The following DIXDC1 variants were observed in gnomAD, a reference collection of about 807,000 sequenced individuals.
DIXDC1 encodes DIX domain containing 1.
In DIXDC1, 64 loss-of-function variants were observed where a neutral mutation model predicts 103.1. The ratio of observed to expected loss-of-function variants is 0.62; its 90% confidence interval spans 0.51 to 0.76. DIXDC1 has a LOEUF of 0.76. DIXDC1 is among the 30% of genes least tolerant of loss of function. The pLI is 0.00. For missense variants in DIXDC1, 759 were observed against 834.2 expected (o/e 0.91, Z 1.11); for synonymous variants, 266 against 298.5 (o/e 0.89, Z 1.12).
rs1555172316 is a variant in DIXDC1 at position 111,973,991 on chromosome 11, C to T, written c.317-32C>T. 4 of 1,607,188 alleles carry T rather than the reference C, an allele frequency of 2.5e-6. No individual in the cohort carries two copies. In the South Asian group the frequency reaches 4.4e-5, roughly 18 times the overall value. The stretch of plus-strand genomic sequence containing the variant: ...TGCCTCCCTCTTAGGACCTCTTGGT[C>T]TGTTTTATTCTTGGTCCGTTTTATC... On this transcript the variant is annotated intron_variant, in intron 3 of 19. Coordinates refer to ENST00000440460, the MANE Select transcript of DIXDC1 (RefSeq NM_001037954.4).
upstream of DIXDC1, among the ~76,000 whole-genome samples, chr11:111,934,304 T>C (rs1347876503): frequency 6.6e-6 from 1 of 152,252 alleles, no homozygotes; most frequent in African/African-American, 2.4e-5. Flanking sequence ...ATATAGATAT[T>C]TGGGTAGCTT....
Position 111,931,041 on chromosome 11 carries a change from A to G in DIXDC1, c.57+1131A>G, listed in dbSNP as rs1965998383. ...GCTAATTCCTGTATTTTTAGTAGAG[A>G]TGGGGTTTTACCATGTTGATCAGGC... On this transcript the variant is annotated intron_variant, in intron 2 of 5. Coordinates refer to the DIXDC1 transcript ENST00000529225. Among the ~76,000 whole-genome samples, 3 of 151,502 alleles carry G rather than the reference A, an allele frequency of 2.0e-5. 1 individual carries two copies. The South Asian group carries it at 6.3e-4, about 32-fold the overall frequency.
At chr11:111,956,984 T>C (rs1407229964) in intron 1 of DIXDC1, among the ~76,000 whole-genome samples, 1 of 151,630 alleles carries the variant, frequency 6.6e-6, no homozygotes, top group African/African-American at 2.4e-5. Flanking sequence ...CTGAGCAACA[T>C]AGTGAGACTC....
chr11:112,012,849 T>A (rs1165739018), intron 17 of DIXDC1, among the ~76,000 whole-genome samples: 2 of 152,198 alleles, frequency 1.3e-5, no homozygotes, highest in African/African-American at 4.8e-5. Flanking sequence ...GTCATCTGAA[T>A]CGACTTTTCA....
In DIXDC1 at chr11:111,977,497, C is replaced by T. The variant is rs1592587375; in HGVS notation, c.656+2514C>T. The T allele has an allele frequency of 1.6e-5, 22 of 1,336,164 alleles. No individual in the cohort carries two copies. The East Asian group carries it at 5.5e-4, about 33-fold the overall frequency. 82.8% of individuals were successfully genotyped at this position (1,336,164 alleles called of 1,614,324 possible). ...GCAGCCTGCGAGGGGAGGCAGCTTC[C>T]GCCGGGGCCGGGCTGCTGCACAGTC... is the stretch of plus-strand genomic sequence containing the variant. On this transcript the variant is annotated intron_variant, in intron 5 of 19. Transcript: ENST00000440460. The surrounding 1 kb of genome is among the most constrained non-coding windows in gnomAD (Gnocchi z 6.1).
At chr11:111,982,243 A>C (rs989815411) in intron 6 of DIXDC1, 96 bp from the exon 7 acceptor site, 18 of 1,351,634 alleles carry the variant, frequency 1.3e-5, no homozygotes, top group Non-Finnish European at 1.4e-5. Flanking sequence ...TTCAGAACGC[A>C]GGTGACCTGA....
At chr11:112,009,134 G>A (rs1392852363) in intron 17 of DIXDC1, among the ~76,000 whole-genome samples, 3 of 152,062 alleles carry the variant, frequency 2.0e-5, no homozygotes, top group South Asian at 2.1e-4. Flanking sequence ...TATTACCACC[G>A]ATCCCACAGA....
At position 111,974,318 on chromosome 11, in the gene DIXDC1, T is replaced by C. The variant is rs587624382; in HGVS notation, c.548+64T>C. 106 of 1,466,738 alleles carry C rather than the reference T, an allele frequency of 7.2e-5. No homozygotes were observed. The African/African-American group carries it at 1.3e-3, about 19-fold the overall frequency. The allele number at this position is 1,466,738 out of a possible 1,614,324, so 90.9% of individuals were successfully genotyped here. Reference sequence around the variant, plus strand: ...CTCTGATACTTCTTCTGTTAGATGATACAGTGCAGTAGATAGAAACGTCAC... The same window carrying C: ...CTCTGATACTTCTTCTGTTAGATGACACAGTGCAGTAGATAGAAACGTCAC... On this transcript the variant is annotated intron_variant, in intron 4 of 19. Coordinates refer to ENST00000440460, the MANE Select transcript of DIXDC1 (RefSeq NM_001037954.4).
rs60795977 is a variant in DIXDC1, at chr11:111,956,023, C to CACACAG, written c.61-8526_61-8525insACACAG. ...ACACACACACACACACACACACACA[C>CACACAG]GGTGGACTATTATTCAGCCTTGAAA... On this transcript the variant is annotated intron_variant, in intron 1 of 19. Transcript: ENST00000440460. Among the ~76,000 whole-genome samples the CACACAG allele has an allele frequency of 2.0e-5, 3 of 150,318 alleles. No homozygotes were observed. In the East Asian group the frequency reaches 5.8e-4, roughly 29 times the overall value.
chr11:111,972,041 A>C (rs1471796150), intron 3 of DIXDC1, among the ~76,000 whole-genome samples: 3 of 152,178 alleles, frequency 2.0e-5, no homozygotes, highest in African/African-American at 7.2e-5. Flanking sequence ...CCGGATGATG[A>C]GTTCAATCGT....
chr11:111,977,311 CCGGAAGGTGGCA>C lies in DIXDC1; in HGVS notation c.656+2333_656+2344del. 1 of 1,044,448 alleles carries C rather than the reference CCGGAAGGTGGCA, an allele frequency of 9.6e-7. No homozygotes were observed. Among genetic ancestry groups the C allele is most frequent in the Non-Finnish European group, 1.2e-6 (1 of 867,450 alleles). The allele number at this position is 1,044,448 out of a possible 1,614,324, so 64.7% of individuals were successfully genotyped here. ...AGCAGAGGGTGGGGCGGGGAGGGAT[CCGGAAGGTGGCA>C]CGGAGTGGGATCGCCGCTGGGGACT... On this transcript the variant is annotated intron_variant, in intron 5 of 19. Coordinates refer to ENST00000440460, the MANE Select transcript of DIXDC1 (RefSeq NM_001037954.4). The surrounding 1 kb of genome is among the most constrained non-coding windows in gnomAD (Gnocchi z 6.1).
intron 6 of DIXDC1, among the ~76,000 whole-genome samples, chr11:111,981,903 T>C (rs1555173264): frequency 6.6e-6 from 1 of 152,236 alleles, no homozygotes; most frequent in Non-Finnish European, 1.5e-5. Flanking sequence ...GGTCCACTTA[T>C]GAGTGAGTGC....
chr11:111,966,987 A>G (rs1555171621), intron 2 of DIXDC1, among the ~76,000 whole-genome samples: 2 of 152,184 alleles, frequency 1.3e-5, no homozygotes, highest in African/African-American at 4.8e-5. Context: ...CCTTCTCTTC[A>G]AACACTTTCT....
chr11:111,957,040 G>A (rs922068975), intron 1 of DIXDC1, among the ~76,000 whole-genome samples: 5 of 151,990 alleles, frequency 3.3e-5, no homozygotes, highest in Non-Finnish European at 7.4e-5. Flanking sequence ...GAGCATGGTG[G>A]TGCATGCCTG....
intron 1 of DIXDC1, among the ~76,000 whole-genome samples, chr11:111,951,410 T>A (rs1035477838): frequency 6.6e-6 from 1 of 152,190 alleles, no homozygotes; most frequent in Non-Finnish European, 1.5e-5. Flanking sequence ...GTACACCTAC[T>A]GTATACCTAT....
chr11:111,948,325 T>C (rs1555169556), intron 1 of DIXDC1, among the ~76,000 whole-genome samples: 1 of 152,226 alleles, frequency 6.6e-6, no homozygotes, highest in Non-Finnish European at 1.5e-5. Context: ...CATCAAGTTC[T>C]CCTTTCCTTC....
chr11:112,018,254 C>T (rs1555178007), intron 19 of DIXDC1, among the ~76,000 whole-genome samples: 1 of 152,182 alleles, frequency 6.6e-6, no homozygotes, highest in Non-Finnish European at 1.5e-5. Flanking sequence ...ATATATGGAA[C>T]TGTGTATTTC....
At chr11:111,943,953 C>T (rs1966508134) in intron 1 of DIXDC1, among the ~76,000 whole-genome samples, 1 of 152,286 alleles carries the variant, frequency 6.6e-6, no homozygotes, top group Non-Finnish European at 1.5e-5. Flanking sequence ...TACTTGTGAA[C>T]TTTATTTGTA....
intron 17 of DIXDC1, among the ~76,000 whole-genome samples, chr11:112,008,470 A>G (rs1463084395): frequency 6.6e-6 from 1 of 152,210 alleles, no homozygotes; most frequent in Non-Finnish European, 1.5e-5. Flanking sequence ...ATAGACATCT[A>G]CAGAACTCTC....
Sources: gnomAD v4.1 joint callset for allele counts (sites outside exome capture counted in the v4.1 genomes callset) on GRCh38, gnomAD v4.1.1 for gene constraint, Gnocchi (gnomAD v3.1) non-coding constraint, MANE v1.5 for transcripts, NCBI Gene and HGNC (gene_info 2026-07-23, HGNC 2026-07-21) for gene names.